Variants in GALNT17 observed in about 807,000 individuals in gnomAD.
GALNT17 encodes the protein UDP-GalNAc:polypeptide N-acetylgalactosaminyltransferase-like 3.
GALNT17 carries 29 observed loss-of-function variants against 63.7 expected under a neutral mutation model. That is an observed-to-expected ratio of 0.46 (90% CI 0.34 to 0.62). The LOEUF is 0.62. GALNT17 is among the 20% of genes least tolerant of loss of function. The probability of loss-of-function intolerance (pLI) is 0.01; values close to 1 mark genes in which losing one functional copy is unlikely to be tolerated. For missense variants in GALNT17, 603 were observed against 799.6 expected (o/e 0.75, Z 2.97); for synonymous variants, 305 against 318.3 (o/e 0.96, Z 0.45).
intron 8 of GALNT17, among the ~76,000 whole-genome samples, chr7:71,673,271 ATT>A (rs1048427017): frequency 1.3e-5 from 2 of 151,992 alleles, no homozygotes; most frequent in East Asian, 3.9e-4. Context: ...TTTTGAGGAA[ATT>A]TTTTTTTAAT....
At chr7:71,328,325 G>T (rs138120152) in intron 1 of GALNT17, among the ~76,000 whole-genome samples, 3 of 152,106 alleles carry the variant, frequency 2.0e-5, no homozygotes, top group Non-Finnish European at 2.9e-5. Flanking sequence ...ATGAATTCTC[G>T]CAGGCCTGGT....
intron 1 of GALNT17, among the ~76,000 whole-genome samples, chr7:71,190,787 A>G (rs1020874897): frequency 2.6e-5 from 4 of 151,820 alleles, no homozygotes; most frequent in African/African-American, 9.7e-5. Flanking sequence ...GTGCACCACC[A>G]TGCCCACCTG....
chr7:71,251,960 G>A (rs1023442242), intron 1 of GALNT17, among the ~76,000 whole-genome samples: 9 of 152,056 alleles, frequency 5.9e-5, no homozygotes, highest in South Asian at 2.1e-4. Flanking sequence ...CACTACCTGG[G>A]CATGTGTAAA....
At chr7:71,575,503 C>A (rs1057014929) in intron 6 of GALNT17, among the ~76,000 whole-genome samples, 1 of 151,934 alleles carries the variant, frequency 6.6e-6, no homozygotes, top group Admixed American at 6.6e-5. Flanking sequence ...ATTCTCCTGC[C>A]TCAGCCTCCC....
intron 9 of GALNT17, among the ~76,000 whole-genome samples, chr7:71,710,395 G>C (rs540518434): frequency 6.6e-6 from 1 of 152,066 alleles, no homozygotes; most frequent in Non-Finnish European, 1.5e-5. Flanking sequence ...GTAATCCCAC[G>C]TACTCAGGAG....
At chr7:71,194,868 G>A (rs1789016516) in intron 1 of GALNT17, among the ~76,000 whole-genome samples, 1 of 152,152 alleles carries the variant, frequency 6.6e-6, no homozygotes, top group South Asian at 2.1e-4. Context: ...AGCCCTGTTG[G>A]AGCAAAGTCT....
intron 1 of GALNT17, among the ~76,000 whole-genome samples, chr7:71,252,974 T>C (rs1168083461): frequency 6.6e-6 from 1 of 152,174 alleles, no homozygotes; most frequent in Non-Finnish European, 1.5e-5. Flanking sequence ...ATCCCTCCAC[T>C]CATCTGAGCC....
At chr7:71,232,564 G>A (rs1016851756) in intron 1 of GALNT17, among the ~76,000 whole-genome samples, 12 of 152,108 alleles carry the variant, frequency 7.9e-5, no homozygotes, top group South Asian at 2.1e-4. Context: ...CTTAACCTGG[G>A]AAGGTTTTTG....
intron 6 of GALNT17, among the ~76,000 whole-genome samples, chr7:71,585,845 C>G (rs901677557): frequency 2.0e-5 from 3 of 152,014 alleles, no homozygotes; most frequent in Non-Finnish European, 4.4e-5. Flanking sequence ...TGAGAAAGTC[C>G]CTTTTTCCTA....
At chr7:71,334,948 T>C (rs1791871566) in intron 1 of GALNT17, among the ~76,000 whole-genome samples, 1 of 152,208 alleles carries the variant, frequency 6.6e-6, no homozygotes, top group Non-Finnish European at 1.5e-5. Flanking sequence ...TTTTATTCTG[T>C]GCTATTTCTT....
chr7:71,184,353 CGAT>C (rs1562894141), intron 1 of GALNT17, among the ~76,000 whole-genome samples: 3 of 151,076 alleles, frequency 2.0e-5, no homozygotes, highest in Admixed American at 1.3e-4. Flanking sequence ...TCCAACCACT[CGAT>C]GATTTGATCT....
chr7:71,676,618 T>A (rs569743035), intron 8 of GALNT17, among the ~76,000 whole-genome samples: 34 of 152,244 alleles, frequency 2.2e-4, no homozygotes, highest in Admixed American at 1.3e-3. Context: ...ACTCCTGGGA[T>A]CAAGCGATCC....
chr7:71,313,374 C>T (rs1791443707), intron 1 of GALNT17, among the ~76,000 whole-genome samples: 1 of 152,076 alleles, frequency 6.6e-6, no homozygotes, highest in South Asian at 2.1e-4. Flanking sequence ...TACCTTTTTC[C>T]TCCAGGTTTC....
At chr7:71,661,866 A>C (rs969439753) in intron 6 of GALNT17, among the ~76,000 whole-genome samples, 1 of 152,186 alleles carries the variant, frequency 6.6e-6, no homozygotes, top group East Asian at 1.9e-4. Flanking sequence ...CAGGAAGCCC[A>C]TGTCTCTGCC....
chr7:71,667,138 C>T (rs573609662), intron 7 of GALNT17, among the ~76,000 whole-genome samples: 39 of 152,366 alleles, frequency 2.6e-4, no homozygotes, highest in African/African-American at 8.9e-4. Flanking sequence ...GCTGGAAAGT[C>T]ACCTGGAGTG....
At chr7:71,415,799 C>G in intron 3 of GALNT17, 90 bp from the exon 4 acceptor site, 2 of 1,357,900 alleles carry the variant, frequency 1.5e-6, no homozygotes, top group Non-Finnish European at 2.0e-6. Flanking sequence ...GATCTTTGAA[C>G]TCCCTGAAGA....
intron 6 of GALNT17, among the ~76,000 whole-genome samples, chr7:71,632,724 G>T (rs558101043): frequency 6.6e-6 from 1 of 152,256 alleles, no homozygotes; most frequent in Non-Finnish European, 1.5e-5. Flanking sequence ...TGAGCCCGGG[G>T]AACCTGTCTT....
intron 6 of GALNT17, among the ~76,000 whole-genome samples, chr7:71,617,607 A>G (rs989222603): frequency 5.8e-5 from 8 of 139,006 alleles, no homozygotes; most frequent in African/African-American, 2.1e-4. Context: ...GGCATGAGCA[A>G]CTGGCTGCTT....
chr7:71,642,224 C>A (rs994300110), intron 6 of GALNT17, among the ~76,000 whole-genome samples: 6 of 152,160 alleles, frequency 3.9e-5, no homozygotes, highest in African/African-American at 7.2e-5. Context: ...GGCCAGAAAG[C>A]TATTGTCCTA....
Sources: allele counts gnomAD v4.1 joint callset (sites outside exome capture counted in the v4.1 genomes callset), GRCh38; gene constraint gnomAD v4.1.1; transcripts MANE v1.5; gene names NCBI Gene and HGNC (gene_info 2026-07-23, HGNC 2026-07-21).